The following WWP2 variants were observed in gnomAD, a reference collection of about 807,000 sequenced individuals.
WWP2 encodes the protein NEDD4-like E3 ubiquitin-protein ligase WWP2.
Under a neutral mutation model 121.0 loss-of-function variants are expected in WWP2, and 57 were observed. The observed-to-expected ratio is 0.47, with a 90% CI of 0.38 to 0.59. The LOEUF is 0.59. Among genes scored for constraint, WWP2 ranks in the 20% least tolerant of loss-of-function variants. The pLI is 0.00. For missense variants in WWP2, 962 were observed against 1,158.9 expected (o/e 0.83, Z 2.47); for synonymous variants, 449 against 441.3 (o/e 1.02, Z -0.22).
chr16:69,931,621 C>G, intron 15 of WWP2, 41 bp downstream of exon 15: 1 of 1,611,856 alleles, frequency 6.2e-7, no homozygotes, highest in Non-Finnish European at 8.5e-7. Context: ...GGCCGACGCC[C>G]TCCTCCCAGC....
Position 69,935,715 on chromosome 16 carries a change from C to T in WWP2, c.1843-138C>T, listed in dbSNP as rs980833454. 14 of 1,308,370 alleles carry T rather than the reference C, an allele frequency of 1.1e-5. No homozygotes were observed. Among genetic ancestry groups the T allele is most frequent in the African/African-American group, 3.0e-5 (2 of 67,656 alleles). 81.0% of individuals were successfully genotyped at this position (1,308,370 alleles called of 1,614,324 possible). A position where few individuals can be genotyped will look rare whatever the true frequency, so the allele number is the denominator to read the frequency against. ...ACTCCTGAGGCCCTCCCGCTGCGTC[C>T]GAGGCAGCTGCTGCTGTAGTTCTGT... On this transcript the variant is annotated intron_variant, in intron 17 of 23. Transcript: ENST00000359154. The surrounding 1 kb of genome is among the most constrained non-coding windows in gnomAD (Gnocchi z 5.2).
In WWP2 at chr16:69,929,471, G is replaced by A. The variant is rs768411191; in HGVS notation, c.1258G>A (p.Val420Met). ...AGAGAAGAGACAGGACAATGGACGGGTGTATTACGTGAACCATAACACTCG... is the reference window on the plus strand; with the variant it reads ...AGAGAAGAGACAGGACAATGGACGGATGTATTACGTGAACCATAACACTCG... Reference protein sequence around the residue: ...GWEKRQDNGRVYYVNHNTRTT... With the variant: ...GWEKRQDNGRMYYVNHNTRTT... The change falls in exon 12 of 24, where the codon GTG becomes ATG. Residue 420 changes from valine to methionine, a missense_variant. Physicochemically the swap from Val to Met is conservative, Grantham distance 21. This residue lies in a region of WWP2 where 606 missense variants were observed against 772.6 expected (regional missense o/e 0.78). Transcript: ENST00000359154. 5.0e-6 allele frequency: 8 copies of A among 1,613,978 alleles called. No homozygotes were observed. The highest frequency in any genetic ancestry group is 5.9e-6 in the Non-Finnish European group (7 of 1,179,998).
At chr16:69,930,883 C>G (rs969703670) in intron 13 of WWP2, among the ~76,000 whole-genome samples, 1 of 152,132 alleles carries the variant, frequency 6.6e-6, no homozygotes, top group African/African-American at 2.4e-5. Context: ...AGAAAACGAA[C>G]AAACAAATAA....
chr16:69,800,309 A>G (rs1244844916), intron 4 of WWP2, among the ~76,000 whole-genome samples: 1 of 151,872 alleles, frequency 6.6e-6, no homozygotes, highest in African/African-American at 2.4e-5. Flanking sequence ...ATTGGTGTTT[A>G]TTTTCCCAAA....
At chr16:69,907,508 C>T (rs1364594224) in intron 8 of WWP2, among the ~76,000 whole-genome samples, 1 of 152,142 alleles carries the variant, frequency 6.6e-6, no homozygotes, top group Non-Finnish European at 1.5e-5. Context: ...CAGTGTAAAA[C>T]ATAAAGGCCC....
At chr16:69,844,126 T>G (rs944918180) in intron 6 of WWP2, among the ~76,000 whole-genome samples, 4 of 152,042 alleles carry the variant, frequency 2.6e-5, no homozygotes, top group African/African-American at 9.7e-5. Context: ...CATTCTCTTT[T>G]CTCCAAGTCA....
chr16:69,840,276 C>T lies in WWP2; in HGVS notation c.478+13C>T. 2 of 1,613,438 alleles carry T rather than the reference C, an allele frequency of 1.2e-6. No homozygotes were observed. The highest frequency in any genetic ancestry group is 1.7e-6 in the Non-Finnish European group (2 of 1,179,792). ...GCCCTGACAGATGGTGAGTGCCGCCCTGCTCCTCAGGACTGTGCCGGGACA... is the reference window on the plus strand; with the variant it reads ...GCCCTGACAGATGGTGAGTGCCGCCTTGCTCCTCAGGACTGTGCCGGGACA... On this transcript the variant is annotated intron_variant, in intron 5 of 23. Coordinates refer to ENST00000359154, the MANE Select transcript of WWP2 (RefSeq NM_001270454.2).
chr16:69,776,270 TCCCTGGAGAGTAGGC>T (rs1275342901), intron 1 of WWP2: 2 of 152,214 alleles, frequency 1.3e-5, no homozygotes, highest in Non-Finnish European at 2.9e-5. Flanking sequence ...AAAGTCTTCT[TCCCTGGAGAGTAGGC>T]CATTGCTCTG....
At chr16:69,803,360 A>G (rs1391148880) in intron 4 of WWP2, among the ~76,000 whole-genome samples, 1 of 149,408 alleles carries the variant, frequency 6.7e-6, no homozygotes, top group Non-Finnish European at 1.5e-5. Flanking sequence ...ACTTTGGAAC[A>G]TTTACATAAA....
At chr16:69,899,953 A>T (rs1039310424) in intron 8 of WWP2, among the ~76,000 whole-genome samples, 2 of 136,910 alleles carry the variant, frequency 1.5e-5, no homozygotes, top group Non-Finnish European at 3.4e-5. Context: ...TAAATACCTG[A>T]ACAAGTCAAT....
intron 1 of WWP2, among the ~76,000 whole-genome samples, chr16:69,778,190 A>ATT (rs1343790913): frequency 0.016 from 1,618 of 103,728 alleles, 13 homozygotes; most frequent in African/African-American, 0.025. Flanking sequence ...ATATATATAT[A>ATT]TATTTTTTTT....
At chr16:69,784,354 C>T (rs1425976896) in intron 1 of WWP2, among the ~76,000 whole-genome samples, 1 of 152,168 alleles carries the variant, frequency 6.6e-6, no homozygotes, top group Non-Finnish European at 1.5e-5. Flanking sequence ...CCCGCCTTGG[C>T]CTCCCAGAGC....
chr16:69,879,946 G>T (rs772543816), intron 7 of WWP2, among the ~76,000 whole-genome samples: 5 of 151,542 alleles, frequency 3.3e-5, no homozygotes, highest in African/African-American at 1.2e-4. Flanking sequence ...GTATAATTTC[G>T]GTTTTTGCGT....
intron 6 of WWP2, among the ~76,000 whole-genome samples, chr16:69,859,337 G>A (rs2057374841): frequency 6.6e-6 from 1 of 152,096 alleles, no homozygotes; most frequent in South Asian, 2.1e-4. Flanking sequence ...CAGATGGCTT[G>A]AGTACAGGAG....
At chr16:69,802,164 G>A (rs996465897) in intron 4 of WWP2, among the ~76,000 whole-genome samples, 1 of 151,900 alleles carries the variant, frequency 6.6e-6, no homozygotes, top group African/African-American at 2.4e-5. Flanking sequence ...TCCTGACCTC[G>A]TGATCTGCCC....
chr16:69,914,070 TCAAAAAAAAAAAA>T (rs1485742276), intron 9 of WWP2, among the ~76,000 whole-genome samples: 2 of 22,056 alleles, frequency 9.1e-5, no homozygotes, highest in Non-Finnish European at 6.8e-5. Context: ...AGACTCTGTC[TCAAAAAAAAAAAA>T]AAAAAAAAAA....
intron 4 of WWP2, among the ~76,000 whole-genome samples, chr16:69,807,695 G>A (rs2056310977): frequency 6.8e-6 from 1 of 148,070 alleles, no homozygotes; most frequent in Admixed American, 6.8e-5. Flanking sequence ...GCTTATGTCT[G>A]TAATCCTAGC....
chr16:69,848,637 T>TAAAAAAA (rs529487746), intron 6 of WWP2, among the ~76,000 whole-genome samples: 3 of 81,910 alleles, frequency 3.7e-5, no homozygotes, highest in Non-Finnish European at 7.0e-5. Flanking sequence ...ATGCTGTTGC[T>TAAAAAAA]AAAAAAAAAA....
chr16:69,932,947 A>C (rs2058739107), intron 16 of WWP2: 1 of 453,582 alleles, frequency 2.2e-6, no homozygotes, highest in African/African-American at 2.0e-5. Context: ...GTGTTGGGTT[A>C]ACTTGCTTCT....
Sources: allele counts gnomAD v4.1 joint callset (sites outside exome capture counted in the v4.1 genomes callset), GRCh38; gene constraint gnomAD v4.1.1; regional missense constraint gnomAD v4.1.1; non-coding constraint Gnocchi (gnomAD v3.1); transcripts MANE v1.5; gene names NCBI Gene and HGNC (gene_info 2026-07-23, HGNC 2026-07-21).